The following WTAP variants were observed in gnomAD, a reference collection of about 807,000 sequenced individuals.
The protein encoded by WTAP is pre-mRNA-splicing regulator WTAP.
In WTAP, 8 loss-of-function variants were observed where a neutral mutation model predicts 50.0. That is an observed-to-expected ratio of 0.16 (90% CI 0.09 to 0.29). WTAP has a LOEUF of 0.29. WTAP is among the 10% of genes least tolerant of loss of function. The probability of loss-of-function intolerance (pLI) is 1.00; values close to 1 mark genes in which losing one functional copy is unlikely to be tolerated. For synonymous variants in WTAP, 194 were observed against 169.0 expected, an observed-to-expected ratio of 1.15 and a Z score of -1.15; for missense variants, 295 against 470.7, an observed-to-expected ratio of 0.63 and a Z score of 3.45.
At chr6:159,743,342 C>T (rs1363876636) in intron 4 of WTAP, among the ~76,000 whole-genome samples, 1 of 152,228 alleles carries the variant, frequency 6.6e-6, no homozygotes, top group Non-Finnish European at 1.5e-5. Flanking sequence ...CCTCTGTGCC[C>T]AGACAGCATT....
At chr6:159,729,841 C>CT (rs1379385494) in intron 1 of WTAP, among the ~76,000 whole-genome samples, 1 of 152,192 alleles carries the variant, frequency 6.6e-6, no homozygotes, top group African/African-American at 2.4e-5. Flanking sequence ...GTTGTTTTGG[C>CT]TGGCGCTTGC....
At chr6:159,750,055 G>C (rs1779762928) in intron 6 of WTAP, among the ~76,000 whole-genome samples, 1 of 152,158 alleles carries the variant, frequency 6.6e-6, no homozygotes, top group Admixed American at 6.5e-5. Context: ...TTGTGGGGCA[G>C]AGGGTGGGTT....
chr6:159,740,565 A>G (rs1779190987), intron 3 of WTAP, among the ~76,000 whole-genome samples: 1 of 152,144 alleles, frequency 6.6e-6, no homozygotes, highest in African/African-American at 2.4e-5. Flanking sequence ...CTTTCTCTAT[A>G]CATCCCCAAA....
At chr6:159,747,460 C>T (rs1012601753) in intron 5 of WTAP, among the ~76,000 whole-genome samples, 7 of 152,146 alleles carry the variant, frequency 4.6e-5, no homozygotes, top group Admixed American at 1.3e-4. Context: ...TTCTATGATT[C>T]GGATCTATTC....
At chr6:159,734,636 C>G (rs906912332) in intron 1 of WTAP, among the ~76,000 whole-genome samples, 1 of 151,932 alleles carries the variant, frequency 6.6e-6, no homozygotes, top group Non-Finnish European at 1.5e-5. Context: ...TATGGTGGGT[C>G]CCCATCTCTT....
At position 159,753,543 on chromosome 6, in the gene WTAP, G is replaced by T; in HGVS notation, c.536G>T (p.Arg179Leu). 3.1e-6 allele frequency: 5 copies of T among 1,614,170 alleles called. No individual in the cohort carries two copies. The highest frequency in any genetic ancestry group is 4.2e-6 in the Non-Finnish European group (5 of 1,180,022). ...QELGRQLSQG[R>L]IAQLEAELAL... Reference sequence around the variant, plus strand: ...CTTGGAAGGCAGCTGTCCCAGGGACGTATTGCACAACTTGAAGCAGAGTTG... The same window carrying T: ...CTTGGAAGGCAGCTGTCCCAGGGACTTATTGCACAACTTGAAGCAGAGTTG... Residue 179 changes from arginine to leucine, a missense_variant, in exon 7 of 8, where the codon CGT becomes CTT. Arg to Leu is a moderately radical substitution (Grantham distance 102). Around this residue, in one of 2 missense-constraint regions of WTAP, gnomAD observed 120 missense variants for 287.6 expected, o/e 0.42. Coordinates refer to ENST00000621533, the MANE Select transcript of WTAP (RefSeq NM_001270531.2).
intron 1 of WTAP, among the ~76,000 whole-genome samples, chr6:159,732,348 C>T (rs946347986): frequency 8.6e-5 from 13 of 152,000 alleles, no homozygotes; most frequent in Admixed American, 8.5e-4. Flanking sequence ...AAAGGTATAC[C>T]ACCTAGCCAT....
chr6:159,743,943 A>G (rs1416156263), intron 5 of WTAP, 151 bp downstream of exon 5: 1 of 912,748 alleles, frequency 1.1e-6, no homozygotes, highest in East Asian at 3.6e-5. Context: ...ACTAGATGAA[A>G]AATTTTGATA....
chr6:159,755,760 C>CTTTTTTTTTTTT lies in WTAP; in HGVS notation c.*153_*154insTTTTTTTTTTTT, dbSNP rs1779984995. 9 of 283,670 alleles carry CTTTTTTTTTTTT rather than the reference C, an allele frequency of 3.2e-5. No individual in the cohort carries two copies. Among genetic ancestry groups the CTTTTTTTTTTTT allele is most frequent in the African/African-American group, 2.0e-4 (4 of 19,978 alleles). The allele number at this position is 283,670 out of a possible 1,614,324, so 17.6% of individuals were successfully genotyped here. On this transcript the variant is annotated 3_prime_UTR_variant, in exon 8 of 8. Transcript: ENST00000621533. ...TGTTTTTTTTCTTTGTTTTTTTTTT[C>CTTTTTTTTTTTT]TTTTCTTTTTTTTTTTTTTTTTTTT...
chr6:159,728,224 G>A (rs536889201), intron 1 of WTAP, among the ~76,000 whole-genome samples: 1 of 152,282 alleles, frequency 6.6e-6, no homozygotes, highest in East Asian at 1.9e-4. Context: ...GCAGATTTTT[G>A]TGAAATCCAA....
chr6:159,727,379 G>GAGGCGGGAGGCGGGAGGCGGGAGGCGA (rs1562446868), upstream of WTAP: 10 of 1,128,340 alleles, frequency 8.9e-6, no homozygotes, highest in South Asian at 1.2e-4. Context: ...GAGGCTGGCG[G>GAGGCGGGAGGCGGGAGGCGGGAGGCGA]GAGGCGGGAG....
At chr6:159,739,813 A>G (rs1174286293) in intron 3 of WTAP, among the ~76,000 whole-genome samples, 2 of 134,782 alleles carry the variant, frequency 1.5e-5, no homozygotes, top group Middle Eastern at 4.0e-3. Context: ...TATTATGAAC[A>G]CACTTTTTAC....
At chr6:159,742,991 A>AT (rs2114926011) in intron 4 of WTAP, among the ~76,000 whole-genome samples, 1 of 152,342 alleles carries the variant, frequency 6.6e-6, no homozygotes, top group Admixed American at 6.5e-5. Context: ...GGGTAACAGA[A>AT]TAAGATCCTG....
chr6:159,755,561 G>A lies in WTAP; in HGVS notation c.1141G>A (p.Val381Ile), dbSNP rs138607522. The A allele has an allele frequency of 2.2e-3, 3,551 of 1,614,048 alleles. 7 individuals carry two copies. The highest frequency in any genetic ancestry group is 2.6e-3 in the Non-Finnish European group (3,079 of 1,179,990). The change falls in exon 8 of 8, where the codon GTT (valine) becomes ATT (isoleucine). Residue 381 changes from valine to isoleucine, a missense_variant. Val to Ile is a conservative substitution (Grantham distance 29). Coordinates refer to ENST00000621533, the MANE Select transcript of WTAP (RefSeq NM_001270531.2). ...KGNRTVGSRH[V>I]QNGLDSSVNV... ...TAATCGAACTGTGGGTTCCCGCCAC[G>A]TTCAGAATGGCTTGGACTCAAGTGT...
At chr6:159,740,727 CAG>C (rs1242075000) in intron 3 of WTAP, among the ~76,000 whole-genome samples, 1 of 137,358 alleles carries the variant, frequency 7.3e-6, no homozygotes. Flanking sequence ...TTTTTTAAGA[CAG>C]AGTCTCGCTC....
At chr6:159,731,736 T>C (rs916238398) in intron 1 of WTAP, among the ~76,000 whole-genome samples, 14 of 152,156 alleles carry the variant, frequency 9.2e-5, no homozygotes, top group Admixed American at 5.9e-4. Flanking sequence ...AGCACAGTAT[T>C]TGGGCCCTGG....
chr6:159,749,208 ATTCAT>A (rs1779732997), intron 6 of WTAP: 2 of 985,764 alleles, frequency 2.0e-6, no homozygotes, highest in African/African-American at 3.5e-5. Flanking sequence ...CATTATAAAC[ATTCAT>A]TTCACAACTA....
chr6:159,726,785 G>A (rs1223673158), upstream of WTAP: 4 of 1,289,018 alleles, frequency 3.1e-6, no homozygotes, highest in African/African-American at 3.0e-5. Context: ...CGAACCCAGC[G>A]GCCAGGAGAC....
At position 159,748,037 on chromosome 6, in the gene WTAP, A is replaced by G. The variant is rs1779680255; in HGVS notation, c.274-154A>G. On this transcript the variant is annotated intron_variant, in intron 5 of 7. Coordinates refer to ENST00000621533, the MANE Select transcript of WTAP (RefSeq NM_001270531.2). The surrounding 1 kb of genome is among the most constrained non-coding windows in gnomAD (Gnocchi z 5.6). ...AGTTTTTAGTCTGTACTTTTTCTAG[A>G]AAGTTTTAAGATTTTTCTAGAGAAT... is the stretch of plus-strand genomic sequence containing the variant. 6.6e-6 allele frequency among the ~76,000 whole-genome samples: 1 copy of G among 152,130 alleles called. No homozygotes were observed.
Sources: allele counts gnomAD v4.1 joint callset (sites outside exome capture counted in the v4.1 genomes callset), GRCh38; gene constraint gnomAD v4.1.1; regional missense constraint gnomAD v4.1.1; non-coding constraint Gnocchi (gnomAD v3.1); transcripts MANE v1.5; gene names NCBI Gene and HGNC (gene_info 2026-07-23, HGNC 2026-07-21).